PCDH9: variants seen among roughly 807,000 people sequenced by gnomAD.
PCDH9 encodes protocadherin-9.
A neutral mutation model predicts 70.6 loss-of-function variants in PCDH9; 24 were observed. The ratio of observed to expected loss-of-function variants is 0.34; its 90% CI spans 0.25 to 0.48. The LOEUF (loss-of-function observed/expected upper bound fraction) is 0.48, where lower values mean the gene tolerates loss of function less well. PCDH9 is among the 20% of genes least tolerant of loss of function. PCDH9 has a pLI of 0.99. For synonymous variants in PCDH9, 562 were observed against 558.5 expected, an observed-to-expected ratio of 1.01 and a Z score of -0.09; for missense variants, 1,281 against 1,503.6, an observed-to-expected ratio of 0.85 and a Z score of 2.45.
intron 3 of PCDH9, among the ~76,000 whole-genome samples, chr13:66,882,096 T>C (rs1048238229): frequency 1.3e-5 from 2 of 152,204 alleles, no homozygotes; most frequent in African/African-American, 4.8e-5. Flanking sequence ...AAACAAGTTG[T>C]GTTCTATTTT....
At chr13:67,205,469 C>A (rs564324595) in intron 2 of PCDH9, 1 of 152,088 alleles carries the variant, frequency 6.6e-6, no homozygotes, top group Non-Finnish European at 1.5e-5. Context: ...ACTGAGTTCT[C>A]GCAATAAAAA....
chr13:66,612,482 A>G lies in PCDH9; in HGVS notation c.3340+18728T>C, dbSNP rs544683200. On this transcript the variant is annotated intron_variant, in intron 4 of 4. Coordinates refer to ENST00000377865, the MANE Select transcript of PCDH9 (RefSeq NM_203487.3). ...CTGGACTTGCAAATAACTATAATAT[A>G]AATTGTAAAGTTGCCAGATAAAATA... is the stretch of plus-strand genomic sequence containing the variant. 3.9e-5 allele frequency among the ~76,000 whole-genome samples: 6 copies of G among 152,354 alleles called. No homozygotes were observed. The East Asian group carries it at 1.2e-3, about 29-fold the overall frequency.
At chr13:67,172,316 G>T (rs977821838) in intron 2 of PCDH9, among the ~76,000 whole-genome samples, 1 of 152,116 alleles carries the variant, frequency 6.6e-6, no homozygotes, top group Non-Finnish European at 1.5e-5. Context: ...ACCTCTCCAG[G>T]TAGCACATAC....
chr13:66,711,353 T>C (rs2078790400), intron 3 of PCDH9, among the ~76,000 whole-genome samples: 1 of 146,948 alleles, frequency 6.8e-6, no homozygotes, highest in Non-Finnish European at 1.5e-5. Context: ...TAACTTCTTA[T>C]AAGAAGGGAT....
At chr13:66,563,327 A>T (rs147231084) in intron 4 of PCDH9, among the ~76,000 whole-genome samples, 1 of 152,170 alleles carries the variant, frequency 6.6e-6, no homozygotes, top group African/African-American at 2.4e-5. Context: ...AATGGAATCT[A>T]TCAGCAAGTC....
intron 2 of PCDH9, among the ~76,000 whole-genome samples, chr13:67,158,297 T>C (rs552495872): frequency 2.6e-5 from 4 of 152,342 alleles, no homozygotes; most frequent in Non-Finnish European, 5.9e-5. Flanking sequence ...TGCTTGAATA[T>C]CTATGTGGCT....
At chr13:66,704,111 C>T (rs1381680245) in intron 3 of PCDH9, among the ~76,000 whole-genome samples, 1 of 152,024 alleles carries the variant, frequency 6.6e-6, no homozygotes, top group African/African-American at 2.4e-5. Flanking sequence ...AAGAATTTTT[C>T]AAAATATTTA....
At chr13:66,341,491 T>C (rs561095288) in intron 4 of PCDH9, among the ~76,000 whole-genome samples, 17 of 152,220 alleles carry the variant, frequency 1.1e-4, no homozygotes, top group African/African-American at 1.9e-4. Context: ...TGTCACCCAA[T>C]AGGTTGTTAG....
intron 3 of PCDH9, among the ~76,000 whole-genome samples, chr13:66,675,012 AT>A (rs1228584762): frequency 5.9e-5 from 9 of 152,044 alleles, no homozygotes; most frequent in Non-Finnish European, 1.2e-4. Flanking sequence ...TTGTGTTTTT[AT>A]TTACGAGTGC....
Position 66,986,935 on chromosome 13 carries a change from AT to A in PCDH9, c.3037-83331del, listed in dbSNP as rs1263724817. ...ATCTATGTATATATAATAAATAGGC[AT>A]ATATCATACACATTCCAGATGATGT... On this transcript the variant is annotated intron_variant, in intron 2 of 4. Transcript: ENST00000377865. 6.3e-4 allele frequency among the ~76,000 whole-genome samples: 96 copies of A among 151,986 alleles called. 2 individuals carry two copies. Among genetic ancestry groups the A allele is most frequent in the Non-Finnish European group, 2.5e-4 (17 of 67,902 alleles).
rs527470863 is a variant in PCDH9 at position 66,923,963 on chromosome 13, C to G, written c.3037-20358G>C. Among the ~76,000 whole-genome samples the G allele has an allele frequency of 2.2e-4, 34 of 151,808 alleles. No individual in the cohort carries two copies. In the South Asian group the frequency reaches 5.6e-3, roughly 25 times the overall value. Reference sequence around the variant, plus strand: ...TATGTTTAAAAACCGTTTAAAGATACAGAATCCTGCTGCGGCATTTATTCC... The same window carrying G: ...TATGTTTAAAAACCGTTTAAAGATAGAGAATCCTGCTGCGGCATTTATTCC... On this transcript the variant is annotated intron_variant, in intron 2 of 4. Coordinates refer to ENST00000377865, the MANE Select transcript of PCDH9 (RefSeq NM_203487.3).
At chr13:66,362,973 G>A (rs1468274998) in intron 4 of PCDH9, among the ~76,000 whole-genome samples, 2 of 152,122 alleles carry the variant, frequency 1.3e-5, no homozygotes, top group African/African-American at 4.8e-5. Flanking sequence ...TTGAGGTCAG[G>A]TGTTCGAAAC....
intron 2 of PCDH9, among the ~76,000 whole-genome samples, chr13:67,031,858 G>A (rs2084913539): frequency 6.6e-6 from 1 of 152,132 alleles, no homozygotes; most frequent in African/African-American, 2.4e-5. Context: ...ATTGTCAAGA[G>A]AAGCTGCTTT....
intron 3 of PCDH9, among the ~76,000 whole-genome samples, chr13:66,772,272 C>T (rs2079820212): frequency 6.6e-6 from 1 of 152,170 alleles, no homozygotes; most frequent in East Asian, 1.9e-4. Flanking sequence ...GAGAAGAAAT[C>T]ATGTTTCTAT....
intron 2 of PCDH9, among the ~76,000 whole-genome samples, chr13:67,136,995 G>C (rs1201963632): frequency 1.3e-5 from 2 of 151,666 alleles, no homozygotes; most frequent in South Asian, 2.1e-4. Context: ...TTTATCTCTT[G>C]TAGATAATTT....
chr13:67,190,300 A>G (rs979249326), intron 2 of PCDH9, among the ~76,000 whole-genome samples: 2 of 152,036 alleles, frequency 1.3e-5, no homozygotes, highest in Non-Finnish European at 2.9e-5. Flanking sequence ...AAAACAGGAC[A>G]GGTAAAAACA....
intron 2 of PCDH9, among the ~76,000 whole-genome samples, chr13:66,912,423 G>A (rs184766818): frequency 2.4e-4 from 36 of 152,096 alleles, no homozygotes; most frequent in Admixed American, 7.9e-4. Context: ...AAATGGAGAC[G>A]AGCCCAGGTG....
chr13:66,487,237 C>A (rs1189059187), intron 4 of PCDH9, among the ~76,000 whole-genome samples: 1 of 152,118 alleles, frequency 6.6e-6, no homozygotes, highest in African/African-American at 2.4e-5. Flanking sequence ...AATATAGGCT[C>A]TCAATATGAA....
intron 3 of PCDH9, among the ~76,000 whole-genome samples, chr13:66,902,798 T>C (rs1397227456): frequency 6.6e-6 from 1 of 151,730 alleles, no homozygotes; most frequent in African/African-American, 2.4e-5. Flanking sequence ...GTATGTTATG[T>C]GTTTTTTTAC....
Sources: allele counts gnomAD v4.1 joint callset (sites outside exome capture counted in the v4.1 genomes callset), GRCh38; gene constraint gnomAD v4.1.1; transcripts MANE v1.5; gene names NCBI Gene and HGNC (gene_info 2026-07-23, HGNC 2026-07-21).